Variants in OR2V2 observed in about 807,000 individuals in gnomAD.
OR2V2 encodes the protein olfactory receptor family 2 subfamily V member 2.
For missense variants in OR2V2, 392 were observed against 392.2 expected (o/e 1.00, Z 0.00); for synonymous variants, 161 against 151.3 (o/e 1.06, Z -0.47).
In OR2V2 at chr5:181,155,851, G is replaced by A. The variant is rs1401615763; in HGVS notation, c.909G>A (p.Arg303=). ...ACAGGGAGGTGATGGGGGCACTGAG[G>A]AAGGGGCTGGACCGCTGCAGGATCG... ...LRNREVMGAL[R]KGLDRCRIGS... The change falls in exon 2 of 2, where the codon AGG becomes AGA. Residue 303 remains arginine, a synonymous_variant. Transcript: ENST00000641492. 1.2e-6 allele frequency: 2 copies of A among 1,614,168 alleles called. No homozygotes were observed. The highest frequency in any genetic ancestry group is 1.3e-5 in the African/African-American group (1 of 75,052).
chr5:181,154,406 G>A (rs1055449891), intron 1 of OR2V2, among the ~76,000 whole-genome samples: 1 of 152,018 alleles, frequency 6.6e-6, no homozygotes, highest in South Asian at 2.1e-4. Flanking sequence ...TGCCTAACAC[G>A]GTGAAACCCC....
In OR2V2 at chr5:181,155,685, C is replaced by G. The variant is rs1296411827; in HGVS notation, c.743C>G (p.Ala248Gly). The change falls in exon 2 of 2, where the codon GCT becomes GGT. Residue 248 changes from alanine (A) to glycine (G), a missense_variant. Transcript: ENST00000641492. ...ALATCSSHLT[A>G]VTLFYGAAMF... ...GCCACCTGCTCCTCCCACCTGACAG[C>G]TGTCACCCTCTTCTATGGGGCAGCC... 6.2e-7 allele frequency: 1 copy of G among 1,614,240 alleles called. No individual in the cohort carries two copies. The highest frequency in any genetic ancestry group is 8.5e-7 in the Non-Finnish European group (1 of 1,180,052).
chr5:181,157,388 A>T lies in OR2V2; in HGVS notation c.*1498A>T, dbSNP rs1312942493. ...ATTATGCCCATTTTACAGGAGAGGA[A>T]GCTAGGGCTCAAATCGGTAAGTCCC... is the stretch of plus-strand genomic sequence containing the variant. On this transcript the variant is annotated 3_prime_UTR_variant, in exon 2 of 2. Transcript: ENST00000641492. 3 of 152,350 alleles carry T rather than the reference A, an allele frequency of 2.0e-5. No individual in the cohort carries two copies. The East Asian group carries it at 5.8e-4, about 29-fold the overall frequency. The allele number at this position is 152,350 out of a possible 1,614,324, so 9.4% of individuals were successfully genotyped here. A position where few individuals can be genotyped will look rare whatever the true frequency, so the allele number is the denominator to read the frequency against.
rs1473765055 is a variant in OR2V2, at chr5:181,155,229, T to G, written c.287T>G (p.Val96Gly). 4 of 1,613,980 alleles carry G rather than the reference T, an allele frequency of 2.5e-6. No homozygotes were observed. Among genetic ancestry groups the G allele is most frequent in the Non-Finnish European group, 2.5e-6 (3 of 1,180,032 alleles). The stretch of plus-strand genomic sequence containing the variant: ...TCTGGCAGGAAGTCCATCTCCTTTG[T>G]GGGCTGTGGCATACAAATTGGCCTC... ...FLSGRKSISF[V>G]GCGIQIGLFV... Residue 96 changes from valine (V) to glycine (G), a missense_variant, in exon 2 of 2, where the codon GTG becomes GGG. Physicochemically the swap from Val to Gly is moderately radical, Grantham distance 109. Transcript: ENST00000641492.
Position 181,158,724 on chromosome 5 carries a change from T to C in OR2V2, c.*2834T>C, listed in dbSNP as rs1273166110. Reference sequence around the variant, plus strand: ...GAAGCAAGAATCTTGCCAGGGGACATGGGAGTTTTTGTTACTTGCTTCACT... The same window carrying C: ...GAAGCAAGAATCTTGCCAGGGGACACGGGAGTTTTTGTTACTTGCTTCACT... On this transcript the variant is annotated 3_prime_UTR_variant, in exon 2 of 2. Transcript: ENST00000641492. 1.3e-5 allele frequency: 2 copies of C among 152,022 alleles called. No homozygotes were observed. 9.4% of individuals were successfully genotyped at this position (152,022 alleles called of 1,614,324 possible). A position where few individuals can be genotyped will look rare whatever the true frequency, so the allele number is the denominator to read the frequency against.
intron 1 of OR2V2, among the ~76,000 whole-genome samples, chr5:181,154,569 G>A (rs1443273445): frequency 2.8e-5 from 4 of 144,976 alleles, no homozygotes; most frequent in East Asian, 2.0e-4. Flanking sequence ...CAGCCTGGGC[G>A]ACTGAGCAAG....
chr5:181,158,276 A>C lies in OR2V2; in HGVS notation c.*2386A>C, dbSNP rs1173104722. On this transcript the variant is annotated 3_prime_UTR_variant, in exon 2 of 2. Coordinates refer to ENST00000641492, the MANE Select transcript of OR2V2 (RefSeq NM_206880.2). The stretch of plus-strand genomic sequence containing the variant: ...CTAGTCTCAGTGTGAGCAACTGCAA[A>C]CTTAGAGATGTGTAATTGTTAGAGA... 6.6e-6 allele frequency: 1 copy of C among 151,432 alleles called. No homozygotes were observed. Among genetic ancestry groups the C allele is most frequent in the Non-Finnish European group, 1.5e-5 (1 of 67,872 alleles). The allele number at this position is 151,432 out of a possible 1,614,324, so 9.4% of individuals were successfully genotyped here.
intron 1 of OR2V2, 149 bp downstream of exon 1, chr5:181,148,144 T>TG (rs919272669): frequency 1.7e-4 from 65 of 392,630 alleles, no homozygotes; most frequent in African/African-American, 7.0e-4. Flanking sequence ...TTTGGATTTT[T>TG]GGGGGGGCAT....
At chr5:181,150,985 C>G (rs74360388) in intron 1 of OR2V2, among the ~76,000 whole-genome samples, 4 of 152,190 alleles carry the variant, frequency 2.6e-5, no homozygotes, top group Non-Finnish European at 5.9e-5. Context: ...AGGAAAAAAG[C>G]CCCACAGATA....
rs539155504 is a variant in OR2V2, at chr5:181,155,815, C to A, written c.873C>A (p.Tyr291Ter). 6.2e-6 allele frequency: 10 copies of A among 1,614,202 alleles called. 1 individual carries two copies. In the East Asian group the frequency reaches 2.0e-4, roughly 32 times the overall value. ...VLTPMLNPLI[Y>*]SLRNREVMGA... ...CTCCCATGCTCAACCCCCTCATTTA[C>A]AGCTTGAGGAACAGGGAGGTGATGG... The change falls in exon 2 of 2, where the codon TAC becomes TAA. Residue 291 changes from tyrosine (Y) to a stop codon, truncating the protein, a stop_gained. Transcript: ENST00000641492. LOFTEE classifies it low-confidence loss of function (END_TRUNC).
chr5:181,154,090 CAGG>C (rs1400294583), intron 1 of OR2V2, among the ~76,000 whole-genome samples: 1 of 152,192 alleles, frequency 6.6e-6, no homozygotes, highest in Admixed American at 6.5e-5. Flanking sequence ...TGGGGCACAA[CAGG>C]AGAACATCCT....
At position 181,157,944 on chromosome 5, in the gene OR2V2, C is replaced by T. The variant is rs529544552; in HGVS notation, c.*2054C>T. On this transcript the variant is annotated 3_prime_UTR_variant, in exon 2 of 2. Transcript: ENST00000641492. ...GAGCAAACTTAATCCAGCCCCCTTC[C>T]GTGATGCAGAATTTTGGATCATAAT... The T allele has an allele frequency of 1.8e-4, 27 of 152,304 alleles. No homozygotes were observed. Among genetic ancestry groups the T allele is most frequent in the Non-Finnish European group, 3.2e-4 (22 of 68,026 alleles). The allele number at this position is 152,304 out of a possible 1,614,324, so 9.4% of individuals were successfully genotyped here.
chr5:181,152,091 A>G (rs1399336822), intron 1 of OR2V2, among the ~76,000 whole-genome samples: 1 of 152,052 alleles, frequency 6.6e-6, no homozygotes, highest in African/African-American at 2.4e-5. Flanking sequence ...GAAAAATCAC[A>G]TTCAGTGTCC....
Position 181,155,995 on chromosome 5 carries a change from T to C in OR2V2, c.*105T>C. 2 of 1,002,374 alleles carry C rather than the reference T, an allele frequency of 2.0e-6. No homozygotes were observed. Among genetic ancestry groups the C allele is most frequent in the South Asian group, 1.7e-5 (1 of 57,936 alleles). The allele number at this position is 1,002,374 out of a possible 1,614,324, so 62.1% of individuals were successfully genotyped here. On this transcript the variant is annotated 3_prime_UTR_variant, in exon 2 of 2. Transcript: ENST00000641492. ...TGGTTTCCTCGTGAATTATGATGAT[T>C]GTGACACCCTCAGACTTGGAAGGTC... is the stretch of plus-strand genomic sequence containing the variant.
In OR2V2 at chr5:181,156,035, A is replaced by G; in HGVS notation, c.*145A>G. The G allele has an allele frequency of 4.0e-6, 2 of 495,318 alleles. No homozygotes were observed. The highest frequency in any genetic ancestry group is 3.7e-5 in the South Asian group (1 of 27,152). The allele number at this position is 495,318 out of a possible 1,614,324, so 30.7% of individuals were successfully genotyped here. A position where few individuals can be genotyped will look rare whatever the true frequency, so the allele number is the denominator to read the frequency against. On this transcript the variant is annotated 3_prime_UTR_variant, in exon 2 of 2. Coordinates refer to ENST00000641492, the MANE Select transcript of OR2V2 (RefSeq NM_206880.2). ...CTTGGAAGGTCTTTTTAAACACTAC[A>G]TCAGTTCTTTCTTTCTTTCTTTCTT...
At chr5:181,153,908 C>A (rs1356893092) in intron 1 of OR2V2, among the ~76,000 whole-genome samples, 1 of 152,204 alleles carries the variant, frequency 6.6e-6, no homozygotes, top group Non-Finnish European at 1.5e-5. Flanking sequence ...GCCTCTTCTA[C>A]TGAAGCCCTG....
rs559365986 is a variant in OR2V2 at position 181,159,026 on chromosome 5, G to A, written c.*3136G>A. 3.3e-5 allele frequency: 5 copies of A among 152,292 alleles called. No homozygotes were observed. The highest frequency in any genetic ancestry group is 1.2e-4 in the African/African-American group (5 of 41,552). The allele number at this position is 152,292 out of a possible 1,614,324, so 9.4% of individuals were successfully genotyped here. Reference sequence around the variant, plus strand: ...GGAGGCCAAGGTGGGAGGATCACTTGAGCCCGGGAGTCTGACGCTGCAGTG... The same window carrying A: ...GGAGGCCAAGGTGGGAGGATCACTTAAGCCCGGGAGTCTGACGCTGCAGTG... On this transcript the variant is annotated 3_prime_UTR_variant, in exon 2 of 2. Coordinates refer to ENST00000641492, the MANE Select transcript of OR2V2 (RefSeq NM_206880.2).
Position 181,154,792 on chromosome 5 carries a change from A to G in OR2V2, c.-24-127A>G, listed in dbSNP as rs565564957. 3.7e-5 allele frequency: 24 copies of G among 648,322 alleles called. No homozygotes were observed. The South Asian group carries it at 3.8e-4, about 10-fold the overall frequency. 40.2% of individuals were successfully genotyped at this position (648,322 alleles called of 1,614,324 possible). On this transcript the variant is annotated intron_variant, in intron 1 of 1. Coordinates refer to ENST00000641492, the MANE Select transcript of OR2V2 (RefSeq NM_206880.2). ...GTTAGGGAGATATGGAGTGTCCCCT[A>G]TTATGTCCCAAAGCTTCAGTTGTTG...
chr5:181,153,053 C>T (rs1169892845), intron 1 of OR2V2, among the ~76,000 whole-genome samples: 1 of 152,210 alleles, frequency 6.6e-6, no homozygotes, highest in East Asian at 1.9e-4. Flanking sequence ...CCTGACGGTG[C>T]AGGCCCGGAT....
Sources: allele counts gnomAD v4.1 joint callset (sites outside exome capture counted in the v4.1 genomes callset), GRCh38; gene constraint gnomAD v4.1.1; transcripts MANE v1.5; gene names NCBI Gene and HGNC (gene_info 2026-07-23, HGNC 2026-07-21).